Variants in MTHFD2L observed in about 807,000 individuals in gnomAD.
The protein encoded by MTHFD2L is bifunctional methylenetetrahydrofolate dehydrogenase/cyclohydrolase 2, mitochondrial.
In MTHFD2L, 29 loss-of-function variants were observed where a neutral mutation model predicts 34.9. The observed-to-expected ratio is 0.83, with a 90% confidence interval of 0.62 to 1.13. MTHFD2L has a LOEUF of 1.13. Among genes scored for constraint, MTHFD2L ranks in the 50% most tolerant of loss-of-function variants. The pLI is 0.00. For missense variants in MTHFD2L, 481 were observed against 446.5 expected (o/e 1.08, Z -0.70); for synonymous variants, 167 against 155.7 (o/e 1.07, Z -0.54).
At chr4:74,287,135 T>C (rs148988635) in intron 7 of MTHFD2L, among the ~76,000 whole-genome samples, 326 of 152,300 alleles carry the variant, frequency 2.1e-3, no homozygotes, top group African/African-American at 7.0e-3. Flanking sequence ...AGTCACACTT[T>C]ATGGAAAAGA....
intron 6 of MTHFD2L, among the ~76,000 whole-genome samples, chr4:74,240,361 G>A (rs970169695): frequency 2.0e-5 from 3 of 152,066 alleles, no homozygotes; most frequent in East Asian, 1.9e-4. Context: ...TTATCCTAAA[G>A]AATCATATTG....
chr4:74,242,435 TAAC>T (rs1418266864), intron 6 of MTHFD2L, among the ~76,000 whole-genome samples: 1 of 152,210 alleles, frequency 6.6e-6, no homozygotes, highest in Non-Finnish European at 1.5e-5. Flanking sequence ...TTTATTATAA[TAAC>T]TAATATTTTT....
At chr4:74,295,867 A>T (rs920037202) in intron 7 of MTHFD2L, among the ~76,000 whole-genome samples, 1 of 152,040 alleles carries the variant, frequency 6.6e-6, no homozygotes, top group African/African-American at 2.4e-5. Context: ...ACACCTCTCT[A>T]TTCCACATGG....
At chr4:74,241,601 C>T (rs1029981849) in intron 6 of MTHFD2L, 2 of 445,138 alleles carry the variant, frequency 4.5e-6, no homozygotes, top group African/African-American at 2.0e-5. Flanking sequence ...ACCTCTCCAA[C>T]TCCTGAACTC....
intron 1 of MTHFD2L, among the ~76,000 whole-genome samples, chr4:74,138,082 T>G (rs941581152): frequency 5.3e-5 from 8 of 151,938 alleles, no homozygotes; most frequent in African/African-American, 1.9e-4. Context: ...CACATACACT[T>G]TTTTATTTTA....
At chr4:74,115,699 T>A (rs1721645450) in intron 2 of MTHFD2L, among the ~76,000 whole-genome samples, 1 of 152,240 alleles carries the variant, frequency 6.6e-6, no homozygotes, top group African/African-American at 2.4e-5. Context: ...CTTTAGTGTG[T>A]GTTAACCTGT....
rs1463608824 is a variant in MTHFD2L at position 74,302,542 on chromosome 4, A to G, written c.*733A>G. ...AGTAAAAATACATGAAGAATGTGTTAGGTTTAAACGTCGTTTCTTTCTTCT... is the reference window on the plus strand; with the variant it reads ...AGTAAAAATACATGAAGAATGTGTTGGGTTTAAACGTCGTTTCTTTCTTCT... On this transcript the variant is annotated 3_prime_UTR_variant, in exon 8 of 8. Coordinates refer to ENST00000325278, the MANE Select transcript of MTHFD2L (RefSeq NM_001144978.3). 1 of 152,180 alleles carries G rather than the reference A, an allele frequency of 6.6e-6. No homozygotes were observed. Among genetic ancestry groups the G allele is most frequent in the African/African-American group, 2.4e-5 (1 of 41,466 alleles). The allele number at this position is 152,180 out of a possible 1,614,324, so 9.4% of individuals were successfully genotyped here.
In MTHFD2L at chr4:74,199,878, T is replaced by G; in HGVS notation, c.536T>G (p.Leu179Trp). The change falls in exon 4 of 8, where the codon TTG (leucine) becomes TGG (tryptophan). Residue 179 changes from leucine (L) to tryptophan (W), a missense_variant. Leu to Trp is a moderately conservative substitution (Grantham distance 61). Coordinates refer to ENST00000325278, the MANE Select transcript of MTHFD2L (RefSeq NM_001144978.3). ...DGFHIINIGR[L>W]CLDQHSLIPA... Reference sequence around the variant, plus strand: ...TTTCATATTATCAATATTGGAAGATTGTGCCTTGATCAGCATTCTCTCATA... The same window carrying G: ...TTTCATATTATCAATATTGGAAGATGGTGCCTTGATCAGCATTCTCTCATA... 2 of 1,613,966 alleles carry G rather than the reference T, an allele frequency of 1.2e-6. No individual in the cohort carries two copies. Among genetic ancestry groups the G allele is most frequent in the Non-Finnish European group, 1.7e-6 (2 of 1,179,904 alleles).
At chr4:74,254,359 A>T (rs1297196600) in intron 6 of MTHFD2L, among the ~76,000 whole-genome samples, 2 of 152,188 alleles carry the variant, frequency 1.3e-5, no homozygotes, top group Non-Finnish European at 2.9e-5. Flanking sequence ...CAAATGTCAA[A>T]TGCAAAAAAG....
intron 7 of MTHFD2L, among the ~76,000 whole-genome samples, chr4:74,290,667 C>T (rs530658968): frequency 6.6e-5 from 10 of 151,496 alleles, no homozygotes; most frequent in African/African-American, 2.4e-4. Context: ...TGTGTACGCG[C>T]GAGGGTACAT....
chr4:74,148,315 T>TC (rs35100283), intron 1 of MTHFD2L, among the ~76,000 whole-genome samples: 145,544 of 150,504 alleles, frequency 0.97, 70,409 homozygotes, highest in East Asian at 1. Context: ...CTATTTGTGG[T>TC]CCCCCCCTTT....
At chr4:74,153,617 T>C (rs150049262), upstream of MTHFD2L, among the ~76,000 whole-genome samples, 231 of 152,300 alleles carry the variant, frequency 1.5e-3, 1 homozygote, top group African/African-American at 5.2e-3. Flanking sequence ...CCTTTTTCAG[T>C]TCAGGAGGAA....
At chr4:74,144,921 G>T (rs904533757) in intron 1 of MTHFD2L, among the ~76,000 whole-genome samples, 2 of 152,150 alleles carry the variant, frequency 1.3e-5, no homozygotes, top group Non-Finnish European at 2.9e-5. Context: ...AGTAAGTGCT[G>T]TAAGTGGTAT....
intron 1 of MTHFD2L, among the ~76,000 whole-genome samples, chr4:74,145,230 G>T (rs1400541014): frequency 3.3e-5 from 5 of 150,638 alleles, no homozygotes; most frequent in Admixed American, 3.3e-4. Context: ...CCAACTAGGG[G>T]TTGAAAATAT....
chr4:74,258,115 C>T (rs1042413254), intron 6 of MTHFD2L, among the ~76,000 whole-genome samples: 6 of 151,984 alleles, frequency 3.9e-5, no homozygotes, highest in Admixed American at 1.3e-4. Flanking sequence ...AAAAGAAATC[C>T]TTGTTCTGTT....
intron 1 of MTHFD2L, among the ~76,000 whole-genome samples, chr4:74,130,780 A>C (rs1722434085): frequency 6.6e-6 from 1 of 152,222 alleles, no homozygotes; most frequent in African/African-American, 2.4e-5. Flanking sequence ...TCAAATAGGA[A>C]TAGAGGGAGT....
At chr4:74,233,862 T>G (rs1185358374) in intron 6 of MTHFD2L, among the ~76,000 whole-genome samples, 1 of 151,968 alleles carries the variant, frequency 6.6e-6, no homozygotes, top group African/African-American at 2.4e-5. Context: ...CATCTCTAGG[T>G]TTTTTCAATC....
At chr4:74,270,909 C>T (rs1745893687) in intron 6 of MTHFD2L, among the ~76,000 whole-genome samples, 1 of 151,982 alleles carries the variant, frequency 6.6e-6, no homozygotes, top group Non-Finnish European at 1.5e-5. Context: ...ATTTGCATTT[C>T]TCTGATGGCC....
At chr4:74,196,587 G>A (rs1733506988) in intron 3 of MTHFD2L, among the ~76,000 whole-genome samples, 1 of 152,090 alleles carries the variant, frequency 6.6e-6, no homozygotes, top group Admixed American at 6.6e-5. Flanking sequence ...CCAGTAATTT[G>A]TTTGTTCCTT....
Sources: allele counts gnomAD v4.1 joint callset (sites outside exome capture counted in the v4.1 genomes callset), GRCh38; gene constraint gnomAD v4.1.1; transcripts MANE v1.5; gene names NCBI Gene and HGNC (gene_info 2026-07-23, HGNC 2026-07-21).